The following MTR variants were observed in gnomAD, a reference collection of about 807,000 sequenced individuals.
The protein encoded by MTR is methionine synthase.
In MTR, 84 loss-of-function variants were observed where a neutral mutation model predicts 154.8. The observed-to-expected ratio is 0.54, with a 90% CI of 0.45 to 0.65. MTR has a LOEUF of 0.65. Ranked by LOEUF, MTR falls within the 30% of genes least tolerant of loss-of-function variation. The pLI, the probability that MTR is intolerant of heterozygous loss-of-function variation, is 0.00. For missense variants in MTR, 1,275 were observed against 1,570.2 expected, an observed-to-expected ratio of 0.81 and a Z score of 3.18; for synonymous variants, 554 against 553.9, an observed-to-expected ratio of 1.00 and a Z score of 0.00.
chr1:236,874,153 A>T lies in MTR; in HGVS notation c.2473+313A>T, dbSNP rs139194014. 9.8e-5 allele frequency among the ~76,000 whole-genome samples: 15 copies of T among 152,320 alleles called. 1 individual carries two copies. In the East Asian group the frequency reaches 2.9e-3, roughly 29 times the overall value. ...TCAAGTCCGGGAAATCATGAGCTAAATATACCTTTATTGCATCGTTTCCTA... is the reference window on the plus strand; with the variant it reads ...TCAAGTCCGGGAAATCATGAGCTAATTATACCTTTATTGCATCGTTTCCTA... On this transcript the variant is annotated intron_variant, in intron 23 of 32. Coordinates refer to ENST00000366577, the MANE Select transcript of MTR (RefSeq NM_000254.3).
At chr1:236,849,656 G>A (rs1663787428) in intron 15 of MTR, among the ~76,000 whole-genome samples, 2 of 152,160 alleles carry the variant, frequency 1.3e-5, no homozygotes, top group African/African-American at 2.4e-5. Flanking sequence ...AGATGAGATT[G>A]GAGATGGAGG....
chr1:236,854,680 A>G (rs1464128316), intron 18 of MTR, among the ~76,000 whole-genome samples: 1 of 152,210 alleles, frequency 6.6e-6, no homozygotes, highest in Non-Finnish European at 1.5e-5. Context: ...TCCCTGATCT[A>G]TCCAGAGGAG....
At chr1:236,821,236 G>C (rs1054935728) in intron 8 of MTR, among the ~76,000 whole-genome samples, 2 of 152,216 alleles carry the variant, frequency 1.3e-5, no homozygotes, top group African/African-American at 4.8e-5. Context: ...AAAGAGAGGG[G>C]ACAAGAGACT....
intron 13 of MTR, among the ~76,000 whole-genome samples, chr1:236,834,013 C>G (rs914196787): frequency 1.3e-5 from 2 of 152,288 alleles, no homozygotes; most frequent in African/African-American, 4.8e-5. Flanking sequence ...TTGACCCACA[C>G]ATTGTATGGC....
chr1:236,839,311 A>T lies in MTR; in HGVS notation c.1515+712A>T, dbSNP rs140320782. On this transcript the variant is annotated intron_variant, in intron 15 of 32. Coordinates refer to ENST00000366577, the MANE Select transcript of MTR (RefSeq NM_000254.3). ...GGGTGAATATTCCTAATACGCAAAG[A>T]GTTTATATAAGTCAGAAAGCAAAAC... is the stretch of plus-strand genomic sequence containing the variant. Among the ~76,000 whole-genome samples, 595 of 152,334 alleles carry T rather than the reference A, an allele frequency of 3.9e-3. 3 individuals carry two copies. Among genetic ancestry groups the T allele is most frequent in the South Asian group, 0.02 (97 of 4,830 alleles).
At chr1:236,879,705 A>G (rs531620851) in intron 24 of MTR, among the ~76,000 whole-genome samples, 23 of 152,342 alleles carry the variant, frequency 1.5e-4, no homozygotes, top group African/African-American at 5.3e-4. Flanking sequence ...TTTGTAGCCT[A>G]TCCTATTGCT....
rs75675696 is a variant in MTR at position 236,804,273 on chromosome 1, G to A, written c.249+631G>A. Among the ~76,000 whole-genome samples the A allele has an allele frequency of 9.9e-3, 1,502 of 152,286 alleles. 14 individuals carry two copies. Among genetic ancestry groups the A allele is most frequent in the Middle Eastern group, 0.017 (5 of 294 alleles). On this transcript the variant is annotated intron_variant, in intron 2 of 32. Transcript: ENST00000366577. ...TAAAATCCTAATGCCTAGTGTGATGGTATTAGGAGGTGCCCTTATAAAAGA... is the reference window on the plus strand; with the variant it reads ...TAAAATCCTAATGCCTAGTGTGATGATATTAGGAGGTGCCCTTATAAAAGA...
intron 18 of MTR, among the ~76,000 whole-genome samples, chr1:236,856,569 A>C (rs1389796826): frequency 1.3e-5 from 2 of 150,140 alleles, no homozygotes; most frequent in African/African-American, 4.9e-5. Flanking sequence ...TCTGGGATAC[A>C]CATGCAGAAT....
At chr1:236,834,162 T>A (rs1415031568) in intron 13 of MTR, among the ~76,000 whole-genome samples, 1 of 152,220 alleles carries the variant, frequency 6.6e-6, no homozygotes, top group African/African-American at 2.4e-5. Context: ...AAACATTTTT[T>A]GATTTACTGA....
chr1:236,816,176 T>C (rs1014221253), intron 7 of MTR, among the ~76,000 whole-genome samples: 12 of 152,216 alleles, frequency 7.9e-5, no homozygotes, highest in African/African-American at 2.7e-4. Context: ...CTAATGAGAC[T>C]GGATGTGTGA....
chr1:236,889,300 C>G lies in MTR; in HGVS notation c.2971C>G (p.Arg991Gly), dbSNP rs536238004. The G allele has an allele frequency of 6.2e-7, 1 of 1,614,084 alleles. No individual in the cohort carries two copies. Among genetic ancestry groups the G allele is most frequent in the Non-Finnish European group, 8.5e-7 (1 of 1,180,052 alleles). The change falls in exon 28 of 33, where the codon CGA (arginine) becomes GGA (glycine). Residue 991 changes from arginine to glycine, a missense_variant. Transcript: ENST00000366577. Reference protein sequence around the residue: ...VWQLRGKYPNRGFPKIFNDKT... With the variant: ...VWQLRGKYPNGGFPKIFNDKT... ...GCAGCTCCGGGGCAAGTACCCGAAT[C>G]GAGGCTTTCCCAAGATATTTAACGA...
intron 6 of MTR, among the ~76,000 whole-genome samples, chr1:236,813,205 C>T (rs1209426702): frequency 6.6e-6 from 1 of 152,132 alleles, no homozygotes; most frequent in East Asian, 1.9e-4. Flanking sequence ...TATCCAGCTC[C>T]CTTTCCTGAT....
At chr1:236,795,965 G>T (rs560247763) in intron 1 of MTR, among the ~76,000 whole-genome samples, 54 of 152,134 alleles carry the variant, frequency 3.5e-4, no homozygotes, top group Non-Finnish European at 7.4e-5. Flanking sequence ...ATCAAAACCT[G>T]CAAAAAGCGT....
chr1:236,837,706 C>G (rs1430067940), intron 14 of MTR, among the ~76,000 whole-genome samples: 1 of 152,108 alleles, frequency 6.6e-6, no homozygotes, highest in African/African-American at 2.4e-5. Context: ...CAAGACCAGC[C>G]AAGGCAACAT....
intron 22 of MTR, among the ~76,000 whole-genome samples, chr1:236,869,830 C>A (rs1034581778): frequency 1.3e-5 from 2 of 152,128 alleles, no homozygotes; most frequent in African/African-American, 4.8e-5. Context: ...GGACTCTGGG[C>A]CCTCATAGTG....
At chr1:236,837,022 A>G (rs941336858) in intron 14 of MTR, among the ~76,000 whole-genome samples, 1 of 152,178 alleles carries the variant, frequency 6.6e-6, no homozygotes, top group Non-Finnish European at 1.5e-5. Flanking sequence ...TCTGATTGCT[A>G]CAGTAATTTC....
Position 236,897,541 on chromosome 1 carries a change from C to T in MTR, c.3712-17C>T. The T allele has an allele frequency of 6.2e-7, 1 of 1,608,532 alleles. No homozygotes were observed. Among genetic ancestry groups the T allele is most frequent in the Admixed American group, 1.7e-5 (1 of 60,012 alleles). ...CTTATCATGTTGGTTTAATAAAATG[C>T]TTCTCATCTTTTGCAGGTTGAGGAT... is the stretch of plus-strand genomic sequence containing the variant. On this transcript the variant is annotated splice_polypyrimidine_tract_variant and intron_variant, in intron 32 of 32. Coordinates refer to ENST00000366577, the MANE Select transcript of MTR (RefSeq NM_000254.3).
intron 1 of MTR, among the ~76,000 whole-genome samples, chr1:236,796,149 A>C (rs569168635): frequency 6.6e-6 from 1 of 152,338 alleles, no homozygotes; most frequent in African/African-American, 2.4e-5. Context: ...GCGGAGAGAC[A>C]GACGAGGAAA....
rs1278728096 is a variant in MTR at position 236,825,404 on chromosome 1, G to A, written c.927+5G>A. 6.2e-7 allele frequency: 1 copy of A among 1,611,102 alleles called. No homozygotes were observed. Among genetic ancestry groups the A allele is most frequent in the Non-Finnish European group, 8.5e-7 (1 of 1,177,498 alleles). ...ATGATGGCCAAGCACCTAAAGGTCA[G>A]GGGTCCCCCTTTCACTGGCTTTTTA... On this transcript the variant is annotated splice_donor_5th_base_variant and intron_variant, in intron 10 of 32. Coordinates refer to ENST00000366577, the MANE Select transcript of MTR (RefSeq NM_000254.3).
Sources: gnomAD v4.1 joint callset for allele counts (sites outside exome capture counted in the v4.1 genomes callset) on GRCh38, gnomAD v4.1.1 for gene constraint, MANE v1.5 for transcripts, NCBI Gene and HGNC (gene_info 2026-07-23, HGNC 2026-07-21) for gene names.